The following FERMT1 variants were observed in gnomAD, a reference collection of about 807,000 sequenced individuals.
FERMT1 encodes fermitin family homolog 1.
A neutral mutation model predicts 85.3 loss-of-function variants in FERMT1; 60 were observed. The observed-to-expected ratio is 0.70, with a 90% confidence interval of 0.57 to 0.87. The LOEUF (loss-of-function observed/expected upper bound fraction) is 0.87, where lower values mean the gene tolerates loss of function less well. Ranked by LOEUF, FERMT1 falls within the 40% of genes least tolerant of loss-of-function variation. The pLI is 0.00. For synonymous variants in FERMT1, 275 were observed against 301.1 expected (o/e 0.91, Z 0.90); for missense variants, 701 against 818.9 (o/e 0.86, Z 1.76).
intron 13 of FERMT1, among the ~76,000 whole-genome samples, chr20:6,083,178 A>G (rs6085389): frequency 0.3 from 46,035 of 152,084 alleles, 7,497 homozygotes; most frequent in East Asian, 0.62. Flanking sequence ...ATGTAATTTG[A>G]TTTACAAGCA....
intron 7 of FERMT1, 108 bp downstream of exon 7, chr20:6,097,416 G>T: frequency 1.2e-6 from 1 of 815,204 alleles, no homozygotes. Flanking sequence ...CTTATTTTCA[G>T]ATATTTCTTC....
At chr20:6,119,864 C>T (rs994842943) in intron 1 of FERMT1, among the ~76,000 whole-genome samples, 1 of 152,214 alleles carries the variant, frequency 6.6e-6, no homozygotes, top group African/African-American at 2.4e-5. Flanking sequence ...CCCAATGCTT[C>T]AATCCTCATT....
chr20:6,090,402 A>G (rs557445667), intron 9 of FERMT1, among the ~76,000 whole-genome samples: 1 of 152,196 alleles, frequency 6.6e-6, no homozygotes, highest in South Asian at 2.1e-4. Context: ...TGTCAGTACT[A>G]GTCTTTCCTT....
At chr20:6,122,390 G>A (rs550510497) in intron 1 of FERMT1, among the ~76,000 whole-genome samples, 4 of 152,334 alleles carry the variant, frequency 2.6e-5, no homozygotes, top group South Asian at 4.1e-4. Flanking sequence ...AAAGCATGGA[G>A]GGATGGAGAG....
chr20:6,118,971 C>A (rs114712109), intron 2 of FERMT1, among the ~76,000 whole-genome samples: 1 of 150,938 alleles, frequency 6.6e-6, no homozygotes, highest in Admixed American at 6.6e-5. Flanking sequence ...CCCCCGACAC[C>A]GAGTCTTGCT....
At position 6,110,541 on chromosome 20, in the gene FERMT1, T is replaced by C. The variant is rs771627933; in HGVS notation, c.533-30A>G. On this transcript the variant is annotated intron_variant, in intron 4 of 14. Transcript: ENST00000217289. ...AAGGCAGGGGGATCAAGAACTATGA[T>C]ATGAGAATCCAGGGATATAAATCTT... is the stretch of plus-strand genomic sequence containing the variant. The C allele has an allele frequency of 1.9e-5, 29 of 1,491,950 alleles. No individual in the cohort carries two copies. The South Asian group carries it at 2.3e-4, about 12-fold the overall frequency. The allele number at this position is 1,491,950 out of a possible 1,614,324, so 92.4% of individuals were successfully genotyped here. A position where few individuals can be genotyped will look rare whatever the true frequency, so the allele number is the denominator to read the frequency against.
Position 6,097,078 on chromosome 20 carries a change from TTATAAA to T in FERMT1, c.958-51_958-46del, listed in dbSNP as rs113592214. ...TTTAGAAATGTTATAAACAGAAATG[TTATAAA>T]TATAAATGAATCCATTAGCCATTTT... is the stretch of plus-strand genomic sequence containing the variant. On this transcript the variant is annotated intron_variant, in intron 7 of 14. Coordinates refer to ENST00000217289, the MANE Select transcript of FERMT1 (RefSeq NM_017671.5). The T allele has an allele frequency of 0.11, 180,478 of 1,585,520 alleles. 11,342 individuals carry two copies. The highest frequency in any genetic ancestry group is 0.17 in the Middle Eastern group (1,045 of 5,978).
chr20:6,097,693 T>G, intron 6 of FERMT1, 62 bp from the exon 7 acceptor site: 6 of 1,166,152 alleles, frequency 5.1e-6, no homozygotes, highest in Non-Finnish European at 6.5e-6. Context: ...AATACAAAGA[T>G]TCTGAAACAA....
At chr20:6,102,683 A>C in intron 6 of FERMT1, among the ~76,000 whole-genome samples, 1 of 128,172 alleles carries the variant, frequency 7.8e-6, no homozygotes. Context: ...TCTCAAGAAA[A>C]AAAAAAAAAA....
At chr20:6,095,614 A>G (rs1299938974) in intron 8 of FERMT1, among the ~76,000 whole-genome samples, 2 of 152,230 alleles carry the variant, frequency 1.3e-5, no homozygotes, top group Non-Finnish European at 2.9e-5. Context: ...ACGTAAAACT[A>G]TTAAGGGAGG....
Position 6,105,442 on chromosome 20 carries a change from T to C in FERMT1, c.849+2090A>G, listed in dbSNP as rs147640391. On this transcript the variant is annotated intron_variant, in intron 6 of 14. Coordinates refer to ENST00000217289, the MANE Select transcript of FERMT1 (RefSeq NM_017671.5). ...CCTCTCAGGATGCTAAACCACAGCA[T>C]TGCAGAGTACTTGTCACTCTGTGAC... is the stretch of plus-strand genomic sequence containing the variant. 1.7e-3 allele frequency among the ~76,000 whole-genome samples: 262 copies of C among 152,342 alleles called. 1 individual carries two copies. The highest frequency in any genetic ancestry group is 6.1e-3 in the African/African-American group (255 of 41,582).
intron 3 of FERMT1, 101 bp from the exon 4 acceptor site, chr20:6,112,724 T>G (rs1212752158): frequency 1.1e-6 from 1 of 876,432 alleles, no homozygotes; most frequent in Non-Finnish European, 1.7e-6. Flanking sequence ...CTCAGGAAAT[T>G]TCTGAAAAGT....
rs1600421235 is a variant in FERMT1 at position 6,077,449 on chromosome 20, A to G, written c.1861-103T>C. The G allele has an allele frequency of 3.8e-6, 4 of 1,057,084 alleles. No individual in the cohort carries two copies. The East Asian group carries it at 7.6e-5, about 20-fold the overall frequency. The allele number at this position is 1,057,084 out of a possible 1,614,324, so 65.5% of individuals were successfully genotyped here. ...CTGGAGCTGAGGGCTGCTGAGGTGG[A>G]TAACAGATGGATATCCCTCTAAAAC... On this transcript the variant is annotated intron_variant, in intron 14 of 14. Coordinates refer to ENST00000217289, the MANE Select transcript of FERMT1 (RefSeq NM_017671.5).
intron 2 of FERMT1, among the ~76,000 whole-genome samples, chr20:6,116,756 C>T (rs1461503053): frequency 6.6e-6 from 1 of 150,440 alleles, no homozygotes. Context: ...AAAATAGGGA[C>T]TAAATCTTAC....
At chr20:6,101,826 T>G (rs1382710254) in intron 6 of FERMT1, among the ~76,000 whole-genome samples, 1 of 152,008 alleles carries the variant, frequency 6.6e-6, no homozygotes, top group East Asian at 1.9e-4. Context: ...CTAATTTTTT[T>G]TGTATTTTTA....
At chr20:6,094,535 G>A (rs1982450537) in intron 9 of FERMT1, among the ~76,000 whole-genome samples, 2 of 152,166 alleles carry the variant, frequency 1.3e-5, no homozygotes, top group East Asian at 3.8e-4. Context: ...GAACCTACTA[G>A]AAGCTCTAGT....
chr20:6,087,985 A>ATTTGC (rs1376629042), intron 10 of FERMT1, 102 bp from the exon 11 acceptor site: 11 of 762,238 alleles, frequency 1.4e-5, no homozygotes, highest in Non-Finnish European at 2.4e-5. Context: ...AGCCCCTCAG[A>ATTTGC]TTTGCTTTGG....
chr20:6,084,709 T>C (rs1025453695), intron 12 of FERMT1, among the ~76,000 whole-genome samples: 2 of 148,936 alleles, frequency 1.3e-5, no homozygotes, highest in Admixed American at 1.3e-4. Flanking sequence ...TTTTTTTTTT[T>C]CTGAGACACA....
At chr20:6,083,711 A>C (rs111558764) in intron 13 of FERMT1, among the ~76,000 whole-genome samples, 4,851 of 150,956 alleles carry the variant, frequency 0.032, 180 homozygotes, top group African/African-American at 0.071. Context: ...AAAAACAAAA[A>C]AAAAAAAACC....
Sources: allele counts gnomAD v4.1 joint callset (sites outside exome capture counted in the v4.1 genomes callset), GRCh38; gene constraint gnomAD v4.1.1; transcripts MANE v1.5; gene names NCBI Gene and HGNC (gene_info 2026-07-23, HGNC 2026-07-21).